Variants in CDK12 observed in about 807,000 individuals in gnomAD.
CDK12 encodes the protein cyclin-dependent kinase 12.
CDK12 carries 17 observed loss-of-function variants against 133.8 expected under a neutral mutation model. That is an observed-to-expected ratio of 0.13 (90% confidence interval 0.09 to 0.19). The LOEUF is 0.19. CDK12 is among the 10% of genes least tolerant of loss of function. The pLI is 1.00. For missense variants in CDK12, 1,508 were observed against 1,818.7 expected, an observed-to-expected ratio of 0.83 and a Z score of 3.11; for synonymous variants, 694 against 683.6, an observed-to-expected ratio of 1.02 and a Z score of -0.24.
chr17:39,509,413 A>C (rs1233289240), intron 6 of CDK12, among the ~76,000 whole-genome samples: 2 of 152,220 alleles, frequency 1.3e-5, no homozygotes, highest in African/African-American at 4.8e-5. Flanking sequence ...TAAGGAGTCA[A>C]ATTCAGAAAA....
downstream of CDK12, chr17:39,566,778 C>T (rs2056590025): frequency 6.6e-6 from 1 of 152,384 alleles, no homozygotes; most frequent in Non-Finnish European, 1.5e-5. Context: ...CAACTCTCTT[C>T]TCTTCTCAGG....
chr17:39,529,736 A>G (rs909065727), intron 13 of CDK12: 1 of 152,260 alleles, frequency 6.6e-6, no homozygotes, highest in Non-Finnish European at 1.5e-5. Context: ...AAGAAAGACA[A>G]AAGATCTTTG....
chr17:39,564,877 T>C (rs1296896748), downstream of CDK12: 2 of 152,204 alleles, frequency 1.3e-5, no homozygotes, highest in African/African-American at 4.8e-5. Context: ...ACGTAGAGCA[T>C]CAAGGGAAGC....
At position 39,530,929 on chromosome 17, in the gene CDK12, G is replaced by A. The variant is rs765433321; in HGVS notation, c.4086G>A (p.Leu1362=). The A allele has an allele frequency of 4.3e-6, 7 of 1,614,098 alleles. No homozygotes were observed. In the East Asian group the frequency reaches 1.3e-4, roughly 31 times the overall value. The part of the protein sequence containing the change: ...DTDERNSGPA[L]TESLVQTLVK... ...ATGAACGAAACTCTGGTCCAGCCTT[G>A]ACAGAATCCTTGGTCCAGACCCTGG... The change falls in exon 14 of 14, where the codon TTG becomes TTA. Residue 1362 remains leucine (L), a synonymous_variant. Coordinates refer to ENST00000447079, the MANE Select transcript of CDK12 (RefSeq NM_016507.4).
At chr17:39,566,035 C>T (rs77090530), downstream of CDK12, among the ~76,000 whole-genome samples, 1,102 of 152,256 alleles carry the variant, frequency 7.2e-3, 7 homozygotes, top group Non-Finnish European at 0.011. Flanking sequence ...CTCCTGTGAT[C>T]CCAGGTTATT....
chr17:39,513,518 C>T (rs968324790), intron 8 of CDK12, among the ~76,000 whole-genome samples: 1 of 152,120 alleles, frequency 6.6e-6, no homozygotes, highest in Non-Finnish European at 1.5e-5. Context: ...TTTAAATTGT[C>T]ACAACTAGGC....
chr17:39,488,958 T>C (rs1473532503), intron 2 of CDK12, among the ~76,000 whole-genome samples: 1 of 152,086 alleles, frequency 6.6e-6, no homozygotes, highest in East Asian at 1.9e-4. Flanking sequence ...CAGAGTCTTG[T>C]CACCCAGGCT....
Position 39,481,633 on chromosome 17 carries a change from GCTCTCTCTCTCTCTCTCTCTCTCTCT to G in CDK12, c.1932-8871_1932-8846del, listed in dbSNP as rs58047556. On this transcript the variant is annotated intron_variant, in intron 2 of 13. Transcript: ENST00000447079. ...CACTTATGTGCTTGCTCGCTCGCGC[GCTCTCTCTCTCTCTCTCTCTCTCTCT>G]CTCTCTCTCTCTCTCTCTCTCTCTC... Among the ~76,000 whole-genome samples the G allele has an allele frequency of 5.0e-3, 88 of 17,628 alleles. 9 individuals are homozygous for G. Among genetic ancestry groups the G allele is most frequent in the Admixed American group, 9.4e-3 (15 of 1,592 alleles). 11.6% of individuals were successfully genotyped at this position (17,628 alleles called of 152,430 possible). A position where few individuals can be genotyped will look rare whatever the true frequency, so the allele number is the denominator to read the frequency against.
chr17:39,466,049 A>G (rs2049279951), intron 1 of CDK12, among the ~76,000 whole-genome samples: 1 of 151,460 alleles, frequency 6.6e-6, no homozygotes, highest in East Asian at 2.0e-4. Context: ...GCTTATGCCT[A>G]TAATCCCAAG....
At chr17:39,488,578 T>G (rs1402911105) in intron 2 of CDK12, among the ~76,000 whole-genome samples, 1 of 152,168 alleles carries the variant, frequency 6.6e-6, no homozygotes, top group African/African-American at 2.4e-5. Context: ...AAAATACTAT[T>G]TCTTTTTTCC....
intron 6 of CDK12, among the ~76,000 whole-genome samples, chr17:39,507,037 C>G (rs1036488701): frequency 3.6e-4 from 54 of 151,922 alleles, no homozygotes; most frequent in Non-Finnish European, 6.0e-4. Flanking sequence ...GCTAGGACTA[C>G]AGGTGTCTGC....
intron 1 of CDK12, among the ~76,000 whole-genome samples, chr17:39,541,258 C>T (rs2055398495): frequency 6.6e-6 from 1 of 152,050 alleles, no homozygotes; most frequent in South Asian, 2.1e-4. Flanking sequence ...TCCTTCCTGC[C>T]CCATACCTGC....
intron 1 of CDK12, among the ~76,000 whole-genome samples, chr17:39,469,062 C>T (rs531255090): frequency 6.6e-6 from 1 of 150,806 alleles, no homozygotes; most frequent in East Asian, 2.0e-4. Context: ...CTCCTGACCT[C>T]GTGATCTGCT....
chr17:39,500,339 A>G (rs2052625732), intron 5 of CDK12, among the ~76,000 whole-genome samples: 1 of 152,088 alleles, frequency 6.6e-6, no homozygotes, highest in South Asian at 2.1e-4. Context: ...TCAAAAAAAA[A>G]AAGAAGAAAA....
At chr17:39,492,683 A>T (rs983606314) in intron 3 of CDK12, 68 bp from the exon 4 acceptor site, 8 of 1,264,748 alleles carry the variant, frequency 6.3e-6, no homozygotes, top group Middle Eastern at 2.0e-4. Flanking sequence ...TGCTGGGATT[A>T]CAGGCATGAG....
intron 1 of CDK12, among the ~76,000 whole-genome samples, chr17:39,466,593 C>T (rs1371489508): frequency 1.9e-5 from 2 of 106,404 alleles, no homozygotes; most frequent in Non-Finnish European, 3.5e-5. Flanking sequence ...CCATCCTGGG[C>T]AACAAGAGTG....
chr17:39,515,376 CTTGT>C (rs2053737927), intron 8 of CDK12, among the ~76,000 whole-genome samples: 2 of 152,036 alleles, frequency 1.3e-5, no homozygotes, highest in Non-Finnish European at 2.9e-5. Flanking sequence ...AGAGAGCATC[CTTGT>C]TTATTTATTT....
chr17:39,522,367 G>A (rs146515858), intron 11 of CDK12, among the ~76,000 whole-genome samples: 1,755 of 152,190 alleles, frequency 0.012, 10 homozygotes, highest in Non-Finnish European at 0.018. Flanking sequence ...GATTACAGGC[G>A]TGAGCCACTG....
intron 1 of CDK12, among the ~76,000 whole-genome samples, chr17:39,466,989 A>T (rs557773324): frequency 6.6e-6 from 1 of 151,690 alleles, no homozygotes; most frequent in African/African-American, 2.4e-5. Flanking sequence ...ATTTTATTTT[A>T]TTTTTTTAAT....
Sources: allele counts gnomAD v4.1 joint callset (sites outside exome capture counted in the v4.1 genomes callset), GRCh38; gene constraint gnomAD v4.1.1; transcripts MANE v1.5; gene names NCBI Gene and HGNC (gene_info 2026-07-23, HGNC 2026-07-21).